Variants in FRMD5 observed in about 807,000 individuals in gnomAD.
The protein encoded by FRMD5 is FERM domain-containing protein 5.
FRMD5 carries 20 observed loss-of-function variants against 69.0 expected under a neutral mutation model. That is an observed-to-expected ratio of 0.29 (90% CI 0.20 to 0.42). The LOEUF is 0.42. Among genes scored for constraint, FRMD5 ranks in the 10% least tolerant of loss-of-function variants. The pLI, the probability that FRMD5 is intolerant of heterozygous loss-of-function variation, is 1.00. For missense variants in FRMD5, 595 were observed against 708.6 expected, an observed-to-expected ratio of 0.84 and a Z score of 1.82; for synonymous variants, 271 against 260.1, an observed-to-expected ratio of 1.04 and a Z score of -0.40.
intron 1 of FRMD5, among the ~76,000 whole-genome samples, chr15:44,145,475 G>A (rs1294943405): frequency 6.6e-6 from 1 of 152,170 alleles, no homozygotes; most frequent in South Asian, 2.1e-4. Context: ...CACTAAGAAA[G>A]TTTAGAGGAA....
At chr15:43,885,344 T>A (rs2088637245) in intron 11 of FRMD5, among the ~76,000 whole-genome samples, 1 of 152,080 alleles carries the variant, frequency 6.6e-6, no homozygotes, top group African/African-American at 2.4e-5. Flanking sequence ...AGATAATTTT[T>A]TTTGTATTTT....
intron 1 of FRMD5, among the ~76,000 whole-genome samples, chr15:44,171,249 T>C (rs1056190738): frequency 2.0e-5 from 3 of 152,248 alleles, no homozygotes; most frequent in African/African-American, 7.2e-5. Context: ...TCTTGATGTA[T>C]ATATTGCTTA....
At chr15:44,123,424 T>C (rs1206856182) in intron 1 of FRMD5, among the ~76,000 whole-genome samples, 1 of 152,056 alleles carries the variant, frequency 6.6e-6, no homozygotes, top group Non-Finnish European at 1.5e-5. Flanking sequence ...TTTGGTACTA[T>C]TTTCGTATAT....
chr15:44,036,890 T>C (rs1385665201), intron 1 of FRMD5, among the ~76,000 whole-genome samples: 1 of 152,200 alleles, frequency 6.6e-6, no homozygotes, highest in African/African-American at 2.4e-5. Context: ...TAAAAGGTTC[T>C]GGTAAAGGAC....
At position 44,111,218 on chromosome 15, in the gene FRMD5, T is replaced by C. The variant is rs182850762; in HGVS notation, c.102+83735A>G. Among the ~76,000 whole-genome samples the C allele has an allele frequency of 4.1e-3, 621 of 152,342 alleles. 3 individuals are homozygous for C. The highest frequency in any genetic ancestry group is 5.7e-3 in the Non-Finnish European group (389 of 68,032). ...TGATTCGTGACTGCTCCTGAACATC[T>C]GGCCTTCCATCTGCAACAGGGACAG... On this transcript the variant is annotated intron_variant, in intron 1 of 13. Transcript: ENST00000417257.
chr15:44,001,613 T>G (rs1239665385), intron 1 of FRMD5, among the ~76,000 whole-genome samples: 5 of 8,914 alleles, frequency 5.6e-4, no homozygotes, highest in Admixed American at 4.3e-3. Flanking sequence ...ATTTTATTGT[T>G]TTTTTTTTTT....
At chr15:44,029,322 G>GAAA (rs34192621) in intron 1 of FRMD5, among the ~76,000 whole-genome samples, 3 of 149,332 alleles carry the variant, frequency 2.0e-5, no homozygotes. Flanking sequence ...TTGCTTCAAG[G>GAAA]AAAAAAAAAA....
chr15:44,109,736 G>A (rs2076770871), intron 1 of FRMD5, among the ~76,000 whole-genome samples: 1 of 152,140 alleles, frequency 6.6e-6, no homozygotes, highest in African/African-American at 2.4e-5. Flanking sequence ...AGTGTACAAT[G>A]ACGTATATCC....
chr15:43,925,638 C>T (rs1383216383), intron 1 of FRMD5, among the ~76,000 whole-genome samples: 2 of 152,200 alleles, frequency 1.3e-5, no homozygotes, highest in East Asian at 3.8e-4. Context: ...AAAATGAAAA[C>T]TCTGATCATG....
intron 1 of FRMD5, among the ~76,000 whole-genome samples, chr15:44,100,073 T>TG (rs2076615806): frequency 1.4e-5 from 2 of 145,078 alleles, no homozygotes; most frequent in Admixed American, 7.0e-5. Context: ...TTTTTTAAGA[T>TG]GGAGTTTCGG....
chr15:43,940,638 T>C (rs895930651), intron 1 of FRMD5, among the ~76,000 whole-genome samples: 1 of 152,184 alleles, frequency 6.6e-6, no homozygotes, highest in Admixed American at 6.5e-5. Context: ...GTGTATACCA[T>C]GCTAAGAACT....
At chr15:44,127,710 C>CA (rs1178862536) in intron 1 of FRMD5, among the ~76,000 whole-genome samples, 1 of 151,860 alleles carries the variant, frequency 6.6e-6, no homozygotes, top group African/African-American at 2.4e-5. Flanking sequence ...CTCATCTCTA[C>CA]AAAAAAATAC....
chr15:44,154,745 A>C (rs1465595967), intron 1 of FRMD5, among the ~76,000 whole-genome samples: 4 of 152,204 alleles, frequency 2.6e-5, no homozygotes, highest in African/African-American at 9.6e-5. Context: ...CTATAGACAC[A>C]AAAAGTAGAT....
At chr15:43,897,445 C>T (rs28437196) in intron 7 of FRMD5, among the ~76,000 whole-genome samples, 20,792 of 142,712 alleles carry the variant, frequency 0.15, 1,778 homozygotes, top group East Asian at 0.27. Flanking sequence ...TGAGATTACA[C>T]CATTGCACTC....
chr15:43,919,754 G>A lies in FRMD5; in HGVS notation c.250+13C>T. 1.9e-6 allele frequency: 3 copies of A among 1,613,148 alleles called. No homozygotes were observed. The highest frequency in any genetic ancestry group is 2.5e-6 in the Non-Finnish European group (3 of 1,179,082). On this transcript the variant is annotated intron_variant, in intron 3 of 13. Transcript: ENST00000417257. Reference sequence around the variant, plus strand: ...AGGGGTGTGGCTTGAGTCTTTTCATGGAGAATACTTACATCTCAATTGTTT... The same window carrying A: ...AGGGGTGTGGCTTGAGTCTTTTCATAGAGAATACTTACATCTCAATTGTTT...
chr15:44,010,365 C>G (rs1890656540), intron 1 of FRMD5, among the ~76,000 whole-genome samples: 1 of 151,534 alleles, frequency 6.6e-6, no homozygotes, highest in Non-Finnish European at 1.5e-5. Flanking sequence ...GAGATGAAGC[C>G]TTCCAAGAAT....
At chr15:44,100,047 C>A (rs77132706) in intron 1 of FRMD5, among the ~76,000 whole-genome samples, 2 of 129,272 alleles carry the variant, frequency 1.5e-5, no homozygotes, top group Non-Finnish European at 3.3e-5. Flanking sequence ...TTCTTCTTCT[C>A]TTTTTTTTTT....
chr15:43,970,719 C>T (rs538389062), intron 1 of FRMD5, among the ~76,000 whole-genome samples: 2 of 152,192 alleles, frequency 1.3e-5, no homozygotes. Context: ...TCCCAAAGTG[C>T]TGGGATTACA....
At chr15:44,087,760 TCA>T (rs1894262860) in intron 1 of FRMD5, among the ~76,000 whole-genome samples, 1 of 150,484 alleles carries the variant, frequency 6.6e-6, no homozygotes, top group African/African-American at 2.5e-5. Context: ...ATCATCATCA[TCA>T]TCATCATCAT....
Sources: allele counts gnomAD v4.1 joint callset (sites outside exome capture counted in the v4.1 genomes callset), GRCh38; gene constraint gnomAD v4.1.1; transcripts MANE v1.5; gene names NCBI Gene and HGNC (gene_info 2026-07-23, HGNC 2026-07-21).